The following UNC5A variants were observed in gnomAD, a reference collection of about 807,000 sequenced individuals.
The protein encoded by UNC5A is netrin receptor UNC5A.
UNC5A carries 20 observed loss-of-function variants against 87.4 expected under a neutral mutation model. The observed-to-expected ratio is 0.23, with a 90% CI of 0.16 to 0.33. The LOEUF (loss-of-function observed/expected upper bound fraction) is 0.33, where lower values mean the gene tolerates loss of function less well. Among genes scored for constraint, UNC5A ranks in the 10% least tolerant of loss-of-function variants. The pLI is 1.00. For missense variants in UNC5A, 844 were observed against 1,133.4 expected (o/e 0.74, Z 3.67); for synonymous variants, 438 against 482.3 (o/e 0.91, Z 1.20).
chr5:176,867,050 C>T (rs932633215), intron 2 of UNC5A, among the ~76,000 whole-genome samples: 2 of 152,128 alleles, frequency 1.3e-5, no homozygotes, highest in Admixed American at 1.3e-4. Context: ...CCCAGCCTGC[C>T]GGCTCAGCTG....
At chr5:176,832,407 A>T (rs2113609141) in intron 1 of UNC5A, among the ~76,000 whole-genome samples, 1 of 152,336 alleles carries the variant, frequency 6.6e-6, no homozygotes, top group South Asian at 2.1e-4. Context: ...GATCCAAGCT[A>T]GCTCTCGTAG....
intron 1 of UNC5A, among the ~76,000 whole-genome samples, chr5:176,821,725 G>T (rs1756732292): frequency 6.6e-6 from 1 of 152,218 alleles, no homozygotes; most frequent in African/African-American, 2.4e-5. Flanking sequence ...GGACGAGCTG[G>T]CCGCATACAC....
At chr5:176,878,678 C>CCA (rs757517341) in intron 13 of UNC5A, 39 bp downstream of exon 13, 1 of 1,581,376 alleles carries the variant, frequency 6.3e-7, no homozygotes, top group Admixed American at 1.7e-5. Flanking sequence ...TGACGTGCTC[C>CCA]CACTACCAAC....
chr5:176,820,217 G>A (rs980196335), intron 1 of UNC5A, among the ~76,000 whole-genome samples: 1 of 152,196 alleles, frequency 6.6e-6, no homozygotes, highest in Non-Finnish European at 1.5e-5. Context: ...CTAACATGGT[G>A]AAACCACGTC....
rs1393749278 is a variant in UNC5A, at chr5:176,865,600, AG to A, written c.293-2529del. The A allele has an allele frequency of 2.2e-6, 1 of 456,874 alleles. No homozygotes were observed. Among genetic ancestry groups the A allele is most frequent in the Admixed American group, 2.3e-5 (1 of 42,588 alleles). 28.3% of individuals were successfully genotyped at this position (456,874 alleles called of 1,614,324 possible). On this transcript the variant is annotated intron_variant, in intron 2 of 14. Transcript: ENST00000329542. The surrounding 1 kb of genome is among the most constrained non-coding windows in gnomAD (Gnocchi z 5.3). ...TGATCTCATCGATTTCTCAACCCAA[AG>A]CCATCGAGTGCTTTGAGGTGAAGAA...
intron 1 of UNC5A, among the ~76,000 whole-genome samples, chr5:176,812,622 C>G (rs1756486894): frequency 6.6e-6 from 1 of 152,136 alleles, no homozygotes; most frequent in Non-Finnish European, 1.5e-5. Context: ...AGGGACTCCT[C>G]AGGAGGCTGT....
chr5:176,832,413 C>T (rs913323192), intron 1 of UNC5A, among the ~76,000 whole-genome samples: 2 of 152,174 alleles, frequency 1.3e-5, no homozygotes, highest in African/African-American at 2.4e-5. Context: ...AGCTAGCTCT[C>T]GTAGTAATTC....
rs1447961273 is a variant in UNC5A, at chr5:176,869,243, G to A, written c.721+279G>A. The stretch of plus-strand genomic sequence containing the variant: ...GGGAATCTAGGAAAGGTGACAGGCT[G>A]TCCCCACTCCTGAGTCTCCAAGGGG... On this transcript the variant is annotated intron_variant, in intron 5 of 14. Transcript: ENST00000329542. The surrounding 1 kb of genome is among the most constrained non-coding windows in gnomAD (Gnocchi z 9.1). Among the ~76,000 whole-genome samples, 3 of 152,144 alleles carry A rather than the reference G, an allele frequency of 2.0e-5. No individual in the cohort carries two copies. The highest frequency in any genetic ancestry group is 4.4e-5 in the Non-Finnish European group (3 of 67,992).
At chr5:176,839,283 G>C (rs907531868) in intron 1 of UNC5A, among the ~76,000 whole-genome samples, 4 of 152,370 alleles carry the variant, frequency 2.6e-5, no homozygotes, top group Non-Finnish European at 4.4e-5. Context: ...GAGCAGGTAG[G>C]GGGGCCAAGG....
Position 176,844,259 on chromosome 5 carries a change from C to G in UNC5A, c.71-18365C>G, listed in dbSNP as rs1159133321. 6.6e-6 allele frequency among the ~76,000 whole-genome samples: 1 copy of G among 151,960 alleles called. No individual in the cohort carries two copies. Among genetic ancestry groups the G allele is most frequent in the Non-Finnish European group, 1.5e-5 (1 of 67,990 alleles). On this transcript the variant is annotated intron_variant, in intron 1 of 14. Transcript: ENST00000329542. This position sits in a 1 kb window ranked among gnomAD's most constrained non-coding sequence, Gnocchi z 4.2. ...GACAGAGCTGGAGAGAACACTTGGT[C>G]CTGGTATCCCGTGGGCCACCGGGGT...
rs78646658 is a variant in UNC5A at position 176,846,808 on chromosome 5, G to A, written c.71-15816G>A. Among the ~76,000 whole-genome samples, 190 of 152,282 alleles carry A rather than the reference G, an allele frequency of 1.2e-3. 2 individuals are homozygous for A. The East Asian group carries it at 0.032, about 26-fold the overall frequency. On this transcript the variant is annotated intron_variant, in intron 1 of 14. Transcript: ENST00000329542. ...CAGGGAGAGCAGCCACAGTCCTGGC[G>A]CCGAGGCCCGGAGGGAGCTGGGGCT...
chr5:176,828,419 C>T (rs541180435), intron 1 of UNC5A, among the ~76,000 whole-genome samples: 9 of 152,202 alleles, frequency 5.9e-5, no homozygotes, highest in Middle Eastern at 3.4e-3. Flanking sequence ...GCCCACCCTG[C>T]GCTTCCTGGG....
chr5:176,846,077 T>C (rs1483214525), intron 1 of UNC5A, among the ~76,000 whole-genome samples: 1 of 152,104 alleles, frequency 6.6e-6, no homozygotes, highest in African/African-American at 2.4e-5. Context: ...AGGGAGCTGG[T>C]CATCTGGGGT....
intron 1 of UNC5A, among the ~76,000 whole-genome samples, chr5:176,832,117 G>A (rs554425945): frequency 1.3e-5 from 2 of 152,136 alleles, no homozygotes; most frequent in South Asian, 2.1e-4. Context: ...GGCTGGTCTC[G>A]AACTCCTGAC....
At chr5:176,836,985 C>T (rs976787563) in intron 1 of UNC5A, among the ~76,000 whole-genome samples, 1 of 152,168 alleles carries the variant, frequency 6.6e-6, no homozygotes, top group African/African-American at 2.4e-5. Flanking sequence ...ACAGGCCAGA[C>T]GGAACAACCT....
Position 176,879,528 on chromosome 5 carries a change from C to G in UNC5A, c.2363+40C>G, listed in dbSNP as rs531237747. 6 of 1,571,532 alleles carry G rather than the reference C, an allele frequency of 3.8e-6. No homozygotes were observed. The African/African-American group carries it at 6.8e-5, about 18-fold the overall frequency. On this transcript the variant is annotated intron_variant, in intron 14 of 14. Transcript: ENST00000329542. The stretch of plus-strand genomic sequence containing the variant: ...GGCAGAGAGGGCCTGCGCAGGCCAC[C>G]GACAGTCCTGCCCGGCGGCGGGGTG...
intron 2 of UNC5A, among the ~76,000 whole-genome samples, chr5:176,863,993 C>T (rs988948436): frequency 5.9e-5 from 9 of 151,534 alleles, no homozygotes; most frequent in Admixed American, 3.9e-4. Context: ...CCTCAGCCAT[C>T]CTGAGACACA....
chr5:176,811,736 T>A (rs1756460958), intron 1 of UNC5A, among the ~76,000 whole-genome samples: 1 of 151,722 alleles, frequency 6.6e-6, no homozygotes, highest in Admixed American at 6.6e-5. Flanking sequence ...TATGTGTCTG[T>A]GGTGGTGGGG....
At chr5:176,825,178 AG>A (rs1261094060) in intron 1 of UNC5A, among the ~76,000 whole-genome samples, 2 of 152,228 alleles carry the variant, frequency 1.3e-5, no homozygotes, top group African/African-American at 4.8e-5. Context: ...CCCTTTCATA[AG>A]GAGCTGATCA....
Sources: gnomAD v4.1 joint callset for allele counts (sites outside exome capture counted in the v4.1 genomes callset) on GRCh38, gnomAD v4.1.1 for gene constraint, Gnocchi (gnomAD v3.1) non-coding constraint, MANE v1.5 for transcripts, NCBI Gene and HGNC (gene_info 2026-07-23, HGNC 2026-07-21) for gene names.